NECTIN3: variants seen among roughly 807,000 people sequenced by gnomAD.
NECTIN3 encodes nectin cell adhesion molecule 3.
A neutral mutation model predicts 49.4 loss-of-function variants in NECTIN3; 8 were observed. The observed-to-expected ratio is 0.16, with a 90% CI of 0.10 to 0.29. NECTIN3 has a LOEUF of 0.29. NECTIN3 is among the 10% of genes least tolerant of loss of function. The pLI is 1.00. For synonymous variants in NECTIN3, 277 were observed against 241.1 expected, an observed-to-expected ratio of 1.15 and a Z score of -1.38; for missense variants, 581 against 654.6, an observed-to-expected ratio of 0.89 and a Z score of 1.23.
At chr3:111,091,303 T>A (rs1191125643) in intron 1 of NECTIN3, among the ~76,000 whole-genome samples, 1 of 152,194 alleles carries the variant, frequency 6.6e-6, no homozygotes, top group Non-Finnish European at 1.5e-5. Flanking sequence ...TCGCCCAGGC[T>A]GGAGTGCAGT....
intron 1 of NECTIN3, among the ~76,000 whole-genome samples, chr3:111,107,471 C>A (rs1464844233): frequency 6.6e-6 from 1 of 152,078 alleles, no homozygotes; most frequent in Non-Finnish European, 1.5e-5. Context: ...TCCTACGTGT[C>A]TAGAGTGTGC....
chr3:111,095,325 G>A (rs1419105898), intron 1 of NECTIN3, among the ~76,000 whole-genome samples: 1 of 152,140 alleles, frequency 6.6e-6, no homozygotes, highest in Non-Finnish European at 1.5e-5. Flanking sequence ...TTATATTCAA[G>A]AACTTAAAGA....
At chr3:111,185,522 A>G (rs978854870) in intron 7 of NECTIN3, among the ~76,000 whole-genome samples, 6 of 152,212 alleles carry the variant, frequency 3.9e-5, no homozygotes, top group African/African-American at 1.4e-4. Context: ...AAAATGTATC[A>G]CTTGTCAGTA....
chr3:111,112,441 T>A, intron 2 of NECTIN3, 70 bp downstream of exon 2: 1 of 973,012 alleles, frequency 1.0e-6, no homozygotes, highest in Non-Finnish European at 1.5e-6. Context: ...TTTAAGAAAT[T>A]AAAATGGTTG....
At chr3:111,144,413 C>T (rs1448682596) in intron 5 of NECTIN3, among the ~76,000 whole-genome samples, 1 of 151,030 alleles carries the variant, frequency 6.6e-6, no homozygotes, top group African/African-American at 2.4e-5. Flanking sequence ...TTTACAGTGT[C>T]CAATGTCAAT....
At chr3:111,140,517 A>G (rs560079567), downstream of NECTIN3, among the ~76,000 whole-genome samples, 30 of 151,854 alleles carry the variant, frequency 2.0e-4, no homozygotes, top group East Asian at 2.3e-3. Flanking sequence ...TTTTTTGCCA[A>G]TTATTTGCAG....
chr3:111,109,851 A>C (rs2107444762), intron 1 of NECTIN3, among the ~76,000 whole-genome samples: 1 of 152,192 alleles, frequency 6.6e-6, no homozygotes, highest in Non-Finnish European at 1.5e-5. Context: ...TTTGTGTATT[A>C]ATATGGGGAG....
intron 7 of NECTIN3, among the ~76,000 whole-genome samples, chr3:111,173,303 CA>C (rs2035467193): frequency 6.6e-6 from 1 of 152,204 alleles, no homozygotes; most frequent in Non-Finnish European, 1.5e-5. Flanking sequence ...TCTTACATCT[CA>C]TTATCAAGAC....
At position 111,157,217 on chromosome 3, in the gene NECTIN3, A is replaced by G. The variant is rs151254236; in HGVS notation, c.1221+9733A>G. Among the ~76,000 whole-genome samples, 285 of 152,266 alleles carry G rather than the reference A, an allele frequency of 1.9e-3. 1 individual carries two copies. The highest frequency in any genetic ancestry group is 6.7e-3 in the African/African-American group (277 of 41,576). Reference sequence around the variant, plus strand: ...GCTTTACAAATATTTTTCAAAACGCATTAGGCCTGTTAAAATCATTTTCGT... The same window carrying G: ...GCTTTACAAATATTTTTCAAAACGCGTTAGGCCTGTTAAAATCATTTTCGT... On this transcript the variant is annotated intron_variant, in intron 7 of 8. Coordinates refer to the NECTIN3 transcript ENST00000493615.
chr3:111,086,904 G>C (rs1207271717), intron 1 of NECTIN3, among the ~76,000 whole-genome samples: 2 of 151,738 alleles, frequency 1.3e-5, no homozygotes, highest in African/African-American at 2.4e-5. Flanking sequence ...AAAATCTTCT[G>C]GTTTGTTCTG....
intron 7 of NECTIN3, among the ~76,000 whole-genome samples, chr3:111,154,816 A>ATTTTTTATTGGATCGT: frequency 6.6e-6 from 1 of 152,190 alleles, no homozygotes; most frequent in Non-Finnish European, 1.5e-5. Flanking sequence ...CAGATTTTTC[A>ATTTTTTATTGGATCGT]TTTTTTATTG....
intron 5 of NECTIN3, among the ~76,000 whole-genome samples, chr3:111,128,961 G>GAA (rs2034276922): frequency 6.6e-6 from 1 of 152,144 alleles, no homozygotes; most frequent in African/African-American, 2.4e-5. Flanking sequence ...TACCCACAAT[G>GAA]AAAACCAAAT....
chr3:111,107,585 AATAGTGATG>A (rs1206453257), intron 1 of NECTIN3, among the ~76,000 whole-genome samples: 2 of 152,126 alleles, frequency 1.3e-5, no homozygotes, highest in African/African-American at 2.4e-5. Flanking sequence ...TTACATTACC[AATAGTGATG>A]AACTTAAACT....
At chr3:111,072,724 G>T in intron 1 of NECTIN3, 1 of 770,568 alleles carries the variant, frequency 1.3e-6, no homozygotes, top group Admixed American at 2.7e-5. Flanking sequence ...CACTCCCCCG[G>T]CTCTGCCCTG....
intron 2 of NECTIN3, among the ~76,000 whole-genome samples, chr3:111,115,653 G>C (rs559934703): frequency 5.2e-4 from 79 of 152,334 alleles, no homozygotes; most frequent in Non-Finnish European, 9.4e-4. Context: ...CTGATTTAGA[G>C]AGTACTGTGA....
At chr3:111,107,682 A>G (rs140932851) in intron 1 of NECTIN3, among the ~76,000 whole-genome samples, 1 of 152,280 alleles carries the variant, frequency 6.6e-6, no homozygotes, top group Non-Finnish European at 1.5e-5. Context: ...ACTCAGCTTC[A>G]TGTGGGAAAG....
At chr3:111,149,032 T>A (rs1212440170) in intron 7 of NECTIN3, among the ~76,000 whole-genome samples, 1 of 152,156 alleles carries the variant, frequency 6.6e-6, no homozygotes, top group African/African-American at 2.4e-5. Context: ...TTTATTAAAC[T>A]TGATAAAGAG....
At position 111,136,243 on chromosome 3, in the gene NECTIN3, G is replaced by A; in HGVS notation, c.*2028G>A. ...TTAGGATTCTATATAAATCTCAACT[G>A]GAGTATAATCTGAAGGAAATTAGCA... On this transcript the variant is annotated 3_prime_UTR_variant, in exon 6 of 6. Transcript: ENST00000485303. 3 of 960,442 alleles carry A rather than the reference G, an allele frequency of 3.1e-6. No individual in the cohort carries two copies. Among genetic ancestry groups the A allele is most frequent in the Non-Finnish European group, 3.7e-6 (3 of 807,648 alleles). 59.5% of individuals were successfully genotyped at this position (960,442 alleles called of 1,614,324 possible). A position where few individuals can be genotyped will look rare whatever the true frequency, so the allele number is the denominator to read the frequency against.
At chr3:111,114,546 A>C (rs1326534131) in intron 2 of NECTIN3, among the ~76,000 whole-genome samples, 1 of 152,174 alleles carries the variant, frequency 6.6e-6, no homozygotes, top group Non-Finnish European at 1.5e-5. Context: ...AGTATATAGC[A>C]GTCATACAGT....
Sources: gnomAD v4.1 joint callset for allele counts (sites outside exome capture counted in the v4.1 genomes callset) on GRCh38, gnomAD v4.1.1 for gene constraint, MANE v1.5 for transcripts, NCBI Gene and HGNC (gene_info 2026-07-23, HGNC 2026-07-21) for gene names.